The following MDGA1 variants were observed in gnomAD, a reference collection of about 807,000 sequenced individuals.
The protein encoded by MDGA1 is MAM domain-containing glycosylphosphatidylinositol anchor protein 1.
In MDGA1, 54 loss-of-function variants were observed where a neutral mutation model predicts 101.5. The observed-to-expected ratio is 0.53, with a 90% confidence interval of 0.43 to 0.67. The LOEUF (loss-of-function observed/expected upper bound fraction) is 0.67. Among genes scored for constraint, MDGA1 ranks in the 30% least tolerant of loss-of-function variants. The probability of loss-of-function intolerance (pLI) is 0.00; values close to 1 mark genes in which losing one functional copy is unlikely to be tolerated. For synonymous variants in MDGA1, 533 were observed against 558.3 expected, an observed-to-expected ratio of 0.95 and a Z score of 0.64; for missense variants, 1,083 against 1,323.8, an observed-to-expected ratio of 0.82 and a Z score of 2.82.
intron 1 of MDGA1, among the ~76,000 whole-genome samples, chr6:37,669,677 C>T (rs1330609911): frequency 1.3e-5 from 2 of 152,124 alleles, no homozygotes; most frequent in African/African-American, 4.8e-5. Flanking sequence ...CTCCACATAC[C>T]CTAGGAAGGC....
At chr6:37,694,205 A>G (rs1762371198) in intron 1 of MDGA1, among the ~76,000 whole-genome samples, 1 of 152,186 alleles carries the variant, frequency 6.6e-6, no homozygotes, top group Non-Finnish European at 1.5e-5. Flanking sequence ...CCAGGGCAAT[A>G]CTAGGCTTCC....
Position 37,638,614 on chromosome 6 carries a change from C to A in MDGA1, c.2590G>T (p.Ala864Ser), listed in dbSNP as rs376783889. 7 of 1,613,974 alleles carry A rather than the reference C, an allele frequency of 4.3e-6. No homozygotes were observed. The highest frequency in any genetic ancestry group is 5.9e-6 in the Non-Finnish European group (7 of 1,179,868). Residue 864 changes from alanine (A) to serine (S), a missense_variant, in exon 15 of 17, where the codon GCC (alanine) becomes TCC (serine). Physicochemically the swap from Ala to Ser is moderately conservative, Grantham distance 99. Coordinates refer to ENST00000434837, the MANE Select transcript of MDGA1 (RefSeq NM_153487.4). This position sits in a 1 kb window ranked among gnomAD's most constrained non-coding sequence, Gnocchi z 4.8. Reference protein sequence around the residue: ...SRNKGALDTHAWSLSGNKGNV... With the variant: ...SRNKGALDTHSWSLSGNKGNV... ...CCCTTATTGCCACTGAGAGACCAGGCGTGCGTGTCCAGAGCCCCTTTGTTC... is the reference window on the plus strand; with the variant it reads ...CCCTTATTGCCACTGAGAGACCAGGAGTGCGTGTCCAGAGCCCCTTTGTTC...
At chr6:37,687,859 A>G (rs981867653) in intron 1 of MDGA1, among the ~76,000 whole-genome samples, 2 of 152,182 alleles carry the variant, frequency 1.3e-5, no homozygotes, top group Non-Finnish European at 2.9e-5. Context: ...TAAAAATCAA[A>G]GAAAACTGTG....
chr6:37,650,233 C>G lies in MDGA1; in HGVS notation c.1485G>C (p.Pro495=), dbSNP rs201648897. ...LPSGLPLEET[P]DGKLRLERVS... is the part of the protein sequence containing the mutation. ...CTCGCTCCAGCCGCAGCTTCCCGTC[C>G]GGAGTCTCCTCCAGGGGCAGCCCCG... is the stretch of plus-strand genomic sequence containing the variant. The change falls in exon 8 of 17, where the codon CCG becomes CCC. Residue 495 remains proline (P), a synonymous_variant. Coordinates refer to ENST00000434837, the MANE Select transcript of MDGA1 (RefSeq NM_153487.4). 67 of 1,611,250 alleles carry G rather than the reference C, an allele frequency of 4.2e-5. No individual in the cohort carries two copies. In the East Asian group the frequency reaches 1.3e-3, roughly 31 times the overall value.
intron 14 of MDGA1, chr6:37,639,815 G>T (rs567060859): frequency 6.6e-6 from 1 of 152,294 alleles, no homozygotes; most frequent in African/African-American, 2.4e-5. Flanking sequence ...GCATATAATG[G>T]TGCTCAATTA....
At chr6:37,643,046 G>T (rs1581844368) in intron 14 of MDGA1, among the ~76,000 whole-genome samples, 1 of 152,312 alleles carries the variant, frequency 6.6e-6, no homozygotes, top group East Asian at 1.9e-4. Flanking sequence ...TCATGTTTAG[G>T]GCTTGGAGAA....
rs755011484 is a variant in MDGA1 at position 37,647,340 on chromosome 6, G to A, written c.1895-16C>T. On this transcript the variant is annotated splice_polypyrimidine_tract_variant and intron_variant, in intron 9 of 16. Coordinates refer to ENST00000434837, the MANE Select transcript of MDGA1 (RefSeq NM_153487.4). ...TAGGCTTTGGCTAAGAGGGCGGGGA[G>A]GGGGGCATTGGGCCGTGGAGGGTGC... The A allele has an allele frequency of 6.6e-7, 1 of 1,506,792 alleles. No individual in the cohort carries two copies. Among genetic ancestry groups the A allele is most frequent in the Non-Finnish European group, 9.0e-7 (1 of 1,116,428 alleles). The allele number at this position is 1,506,792 out of a possible 1,614,324, so 93.3% of individuals were successfully genotyped here.
chr6:37,667,315 C>T (rs1035500164), intron 1 of MDGA1, among the ~76,000 whole-genome samples: 1 of 152,220 alleles, frequency 6.6e-6, no homozygotes, highest in Admixed American at 6.5e-5. Context: ...ATGAACCTGG[C>T]TGGCTGTCAG....
chr6:37,646,503 G>A (rs1761201824), intron 10 of MDGA1, 128 bp from the exon 11 acceptor site: 4 of 672,096 alleles, frequency 6.0e-6, no homozygotes, highest in Non-Finnish European at 9.0e-6. Flanking sequence ...AATGATGACA[G>A]CAACACACTG....
chr6:37,688,587 C>A (rs1441302304), intron 1 of MDGA1, among the ~76,000 whole-genome samples: 1 of 152,208 alleles, frequency 6.6e-6, no homozygotes, highest in Non-Finnish European at 1.5e-5. Flanking sequence ...GCTATTCCAG[C>A]CTCCCTGGCC....
intron 1 of MDGA1, among the ~76,000 whole-genome samples, chr6:37,685,996 G>C (rs76558513): frequency 0.019 from 2,814 of 152,072 alleles, 84 homozygotes; most frequent in African/African-American, 0.063. Context: ...CCCTAAAACG[G>C]GTATTTGTGG....
In MDGA1 at chr6:37,644,043, G is replaced by GTGCCTCGCCCCACGCATCC. The variant is rs1764159225; in HGVS notation, c.2402-119_2402-101dup. 1.8e-5 allele frequency: 26 copies of GTGCCTCGCCCCACGCATCC among 1,477,072 alleles called. No individual in the cohort carries two copies. In the Middle Eastern group the frequency reaches 7.3e-4, roughly 42 times the overall value. 91.5% of individuals were successfully genotyped at this position (1,477,072 alleles called of 1,614,324 possible). A position where few individuals can be genotyped will look rare whatever the true frequency, so the allele number is the denominator to read the frequency against. ...TAGGCCTCTGCGGGCTGAATCTGAA[G>GTGCCTCGCCCCACGCATCC]TGCCTCGCCCCACGCATCCTGCCTC... On this transcript the variant is annotated intron_variant, in intron 13 of 16. Transcript: ENST00000434837.
rs755550113 is a variant in MDGA1 at position 37,638,339 on chromosome 6, GC to G, written c.2668-27del. The G allele has an allele frequency of 6.3e-7, 1 of 1,580,400 alleles. No homozygotes were observed. The highest frequency in any genetic ancestry group is 8.6e-7 in the Non-Finnish European group (1 of 1,159,792). On this transcript the variant is annotated intron_variant, in intron 15 of 16. Transcript: ENST00000434837. The surrounding 1 kb of genome is among the most constrained non-coding windows in gnomAD (Gnocchi z 4.8). ...CTGGGGTGGGGTCAGAAAGCAAGGA[GC>G]AAGGGTTGAGGAGGTTCTGCTGGGT...
At chr6:37,658,968 CAAAA>C (rs34087406) in intron 2 of MDGA1, among the ~76,000 whole-genome samples, 1 of 109,508 alleles carries the variant, frequency 9.1e-6, no homozygotes, top group Non-Finnish European at 1.7e-5. Context: ...AAGACTGTTT[CAAAA>C]AAAAAAAAAA....
chr6:37,653,495 G>A (rs573749128), intron 6 of MDGA1, among the ~76,000 whole-genome samples: 1 of 152,154 alleles, frequency 6.6e-6, no homozygotes, highest in African/African-American at 2.4e-5. Context: ...CTAAAGAGCT[G>A]GAAACAAGCC....
At chr6:37,644,798 A>G in intron 12 of MDGA1, 149 bp from the exon 13 acceptor site, 2 of 831,820 alleles carry the variant, frequency 2.4e-6, no homozygotes, top group Non-Finnish European at 1.7e-6. Context: ...CATGGGGCCC[A>G]TAACAAATTT....
At chr6:37,643,440 T>C in intron 14 of MDGA1, 1 of 181,016 alleles carries the variant, frequency 5.5e-6, no homozygotes, top group Non-Finnish European at 1.2e-5. Flanking sequence ...ACCCAGCTAA[T>C]TTTGTATTTT....
chr6:37,664,539 G>T (rs1454658541), intron 1 of MDGA1, among the ~76,000 whole-genome samples: 1 of 150,746 alleles, frequency 6.6e-6, no homozygotes, highest in Admixed American at 6.6e-5. Flanking sequence ...ATTGCCTTTA[G>T]CCAAGAGAGC....
chr6:37,675,622 A>C (rs988136862), intron 1 of MDGA1, among the ~76,000 whole-genome samples: 2 of 152,206 alleles, frequency 1.3e-5, no homozygotes, highest in Admixed American at 6.5e-5. Context: ...CCCTGTGAGA[A>C]TATGTAAGAT....
Sources: allele counts gnomAD v4.1 joint callset (sites outside exome capture counted in the v4.1 genomes callset), GRCh38; gene constraint gnomAD v4.1.1; non-coding constraint Gnocchi (gnomAD v3.1); transcripts MANE v1.5; gene names NCBI Gene and HGNC (gene_info 2026-07-23, HGNC 2026-07-21).